Variants in NEK6 observed in about 807,000 individuals in gnomAD.
NEK6 encodes NIMA related kinase 6.
Under a neutral mutation model 43.5 loss-of-function variants are expected in NEK6, and 27 were observed. The ratio of observed to expected loss-of-function variants is 0.62; its 90% CI spans 0.46 to 0.86. The LOEUF (loss-of-function observed/expected upper bound fraction) is 0.86, where lower values mean the gene tolerates loss of function less well. Ranked by LOEUF, NEK6 falls within the 40% of genes least tolerant of loss-of-function variation. The pLI, the probability that NEK6 is intolerant of heterozygous loss-of-function variation, is 0.00. For synonymous variants in NEK6, 167 were observed against 164.1 expected, an observed-to-expected ratio of 1.02 and a Z score of -0.14; for missense variants, 318 against 414.4, an observed-to-expected ratio of 0.77 and a Z score of 2.02.
At chr9:124,308,099 A>AGG (rs1833350851) in intron 2 of NEK6, among the ~76,000 whole-genome samples, 4 of 152,156 alleles carry the variant, frequency 2.6e-5, no homozygotes, top group Admixed American at 2.6e-4. Flanking sequence ...AGCCCCCTGA[A>AGG]GGGGGTACTG....
At chr9:124,327,305 C>T (rs1011340382) in intron 6 of NEK6, 33 bp from the exon 7 acceptor site, 1 of 1,586,182 alleles carries the variant, frequency 6.3e-7, no homozygotes, top group Non-Finnish European at 8.7e-7. Flanking sequence ...AAGCCTCCTA[C>T]CCCACACCAA....
intron 1 of NEK6, among the ~76,000 whole-genome samples, chr9:124,280,275 T>C (rs1831838174): frequency 6.6e-6 from 1 of 152,232 alleles, no homozygotes. Flanking sequence ...GTGTGTTTCC[T>C]GGCTTCCTGA....
intron 1 of NEK6, chr9:124,292,689 C>T (rs1280340085): frequency 4.0e-6 from 5 of 1,242,384 alleles, no homozygotes; most frequent in Non-Finnish European, 5.5e-6. Flanking sequence ...AGTGGTCCCC[C>T]TGGCATGAGT....
chr9:124,345,444 C>T (rs1005966299), intron 8 of NEK6, among the ~76,000 whole-genome samples: 1 of 152,198 alleles, frequency 6.6e-6, no homozygotes, highest in African/African-American at 2.4e-5. Context: ...TCACTGCTGA[C>T]CCCATTCAAA....
At chr9:124,295,009 G>A (rs775844497) in intron 1 of NEK6, among the ~76,000 whole-genome samples, 1 of 152,122 alleles carries the variant, frequency 6.6e-6, no homozygotes, top group African/African-American at 2.4e-5. Flanking sequence ...CGAGGCATCC[G>A]GAGGCTACAG....
At chr9:124,269,794 C>T (rs977257056) in intron 1 of NEK6, among the ~76,000 whole-genome samples, 1 of 152,118 alleles carries the variant, frequency 6.6e-6, no homozygotes, top group Non-Finnish European at 1.5e-5. Context: ...CTCTGCCCTT[C>T]TCTTTGTTGT....
chr9:124,300,046 G>C (rs1458077061), intron 1 of NEK6: 1 of 152,336 alleles, frequency 6.6e-6, no homozygotes, highest in African/African-American at 2.4e-5. Flanking sequence ...AGGGAGGAGA[G>C]CTGGGCCGCC....
chr9:124,347,713 C>T lies in NEK6; in HGVS notation c.722C>T (p.Ala241Val). 1 of 1,590,506 alleles carries T rather than the reference C, an allele frequency of 6.3e-7. No individual in the cohort carries two copies. Among genetic ancestry groups the T allele is most frequent in the Non-Finnish European group, 8.6e-7 (1 of 1,166,734 alleles). Residue 241 changes from alanine (A) to valine (V), a missense_variant, in exon 9 of 10, where the codon GCA becomes GTA. Coordinates refer to ENST00000320246, the MANE Select transcript of NEK6 (RefSeq NM_014397.6). ...CGTTGTTCCCGTCCCTTGCAGATGG[C>T]AGCCCTCCAGAGCCCCTTCTATGGA... is the stretch of plus-strand genomic sequence containing the variant. ...WSLGCLLYEMAALQSPFYGDK... is the reference protein window; with the variant it reads ...WSLGCLLYEMVALQSPFYGDK...
rs562458535 is a variant in NEK6, at chr9:124,307,652, C to T, written c.91-4857C>T. Among the ~76,000 whole-genome samples, 33 of 152,338 alleles carry T rather than the reference C, an allele frequency of 2.2e-4. 1 individual carries two copies. In the South Asian group the frequency reaches 2.7e-3, roughly 12 times the overall value. ...AGAGCTGAGGGCCTCCGTGCCCTGGCAGAGGAGCCTGAGGAGTCAGAGGTG... is the reference window on the plus strand; with the variant it reads ...AGAGCTGAGGGCCTCCGTGCCCTGGTAGAGGAGCCTGAGGAGTCAGAGGTG... On this transcript the variant is annotated intron_variant, in intron 2 of 9. Transcript: ENST00000320246.
intron 1 of NEK6, chr9:124,300,086 G>A (rs1370751314): frequency 6.6e-6 from 1 of 152,312 alleles, no homozygotes; most frequent in Non-Finnish European, 1.5e-5. Flanking sequence ...AGGGTGCTGG[G>A]AGCCAGCCTG....
chr9:124,258,305 T>G, intron 1 of NEK6: 3 of 984,892 alleles, frequency 3.0e-6, no homozygotes, highest in Non-Finnish European at 3.6e-6. Context: ...TCCCGGGGTG[T>G]GCGCGTCCCC....
intron 6 of NEK6, 86 bp from the exon 7 acceptor site, chr9:124,327,252 C>T (rs1226066377): frequency 2.7e-6 from 3 of 1,120,038 alleles, no homozygotes; most frequent in Non-Finnish European, 4.0e-6. Flanking sequence ...TGGGCTAGGC[C>T]TCACCTTCCT....
chr9:124,314,369 G>T (rs1217376814), intron 4 of NEK6, among the ~76,000 whole-genome samples: 1 of 152,116 alleles, frequency 6.6e-6, no homozygotes, highest in East Asian at 1.9e-4. Flanking sequence ...CCAGACTGCA[G>T]CCTGTCTGGC....
At chr9:124,270,588 T>C (rs1378366501) in intron 1 of NEK6, among the ~76,000 whole-genome samples, 1 of 152,202 alleles carries the variant, frequency 6.6e-6, no homozygotes, top group African/African-American at 2.4e-5. Flanking sequence ...ATGATGTTTT[T>C]TGTTTGCTAT....
chr9:124,266,545 G>A (rs1831234746), intron 1 of NEK6, among the ~76,000 whole-genome samples: 1 of 152,170 alleles, frequency 6.6e-6, no homozygotes, highest in South Asian at 2.1e-4. Flanking sequence ...GGAACAGTGT[G>A]CACCCAGGTA....
chr9:124,317,093 A>ATTT (rs1833854693), intron 4 of NEK6, among the ~76,000 whole-genome samples: 1 of 152,170 alleles, frequency 6.6e-6, no homozygotes, highest in African/African-American at 2.4e-5. Context: ...CAGAGATTTG[A>ATTT]AGGCACTTTC....
At chr9:124,292,361 T>C in intron 1 of NEK6, 1 of 1,500,780 alleles carries the variant, frequency 6.7e-7, no homozygotes, top group Non-Finnish European at 8.9e-7. Context: ...TCCCTGGGCT[T>C]GGCCAGAACT....
chr9:124,308,165 G>A (rs1235167042), intron 2 of NEK6, among the ~76,000 whole-genome samples: 4 of 152,174 alleles, frequency 2.6e-5, no homozygotes, highest in Non-Finnish European at 5.9e-5. Flanking sequence ...CTTGCCCAAG[G>A]CCCACAGCTG....
At position 124,326,202 on chromosome 9, in the gene NEK6, T is replaced by TTCCCCC; in HGVS notation, c.406-128_406-127insTCCCCC. 11 of 124,044 alleles carry TTCCCCC rather than the reference T, an allele frequency of 8.9e-5. No homozygotes were observed. The highest frequency in any genetic ancestry group is 3.9e-4 in the South Asian group (6 of 15,356). The allele number at this position is 124,044 out of a possible 1,614,324, so 7.7% of individuals were successfully genotyped here. ...GCTTATTGTTTGCTCAGTGGCTCAATCCCCCCCCCCCGCCCCTGCCAGGCA... is the reference window on the plus strand; with the variant it reads ...GCTTATTGTTTGCTCAGTGGCTCAATTCCCCCCCCCCCCCCCCGCCCCTGCCAGGCA... On this transcript the variant is annotated intron_variant, in intron 5 of 9. Coordinates refer to ENST00000320246, the MANE Select transcript of NEK6 (RefSeq NM_014397.6). The surrounding 1 kb of genome is among the most constrained non-coding windows in gnomAD (Gnocchi z 4.5).
Sources: allele counts gnomAD v4.1 joint callset (sites outside exome capture counted in the v4.1 genomes callset), GRCh38; gene constraint gnomAD v4.1.1; non-coding constraint Gnocchi (gnomAD v3.1); transcripts MANE v1.5; gene names NCBI Gene and HGNC (gene_info 2026-07-23, HGNC 2026-07-21).